Variants in IGFL2 observed in about 807,000 individuals in gnomAD.
The protein encoded by IGFL2 is IGF like family member 2.
In IGFL2, 7 loss-of-function variants were observed where a neutral mutation model predicts 13.9. That is an observed-to-expected ratio of 0.51 (90% CI 0.29 to 0.95). IGFL2 has a LOEUF of 0.95. Among genes scored for constraint, IGFL2 ranks in the 40% least tolerant of loss-of-function variants. The pLI, the probability that IGFL2 is intolerant of heterozygous loss-of-function variation, is 0.08. For missense variants in IGFL2, 138 were observed against 147.8 expected, an observed-to-expected ratio of 0.93 and a Z score of 0.34; for synonymous variants, 55 against 55.8, an observed-to-expected ratio of 0.99 and a Z score of 0.07.
chr19:46,080,397 TAAAAA>T, the IGFL2 span, among the ~76,000 whole-genome samples: 1 of 150,788 alleles, frequency 6.6e-6, no homozygotes, highest in African/African-American at 2.5e-5. Context: ...TTTTTTAAAA[TAAAAA>T]AAAGAATAAA....
chr19:46,113,440 C>A, the IGFL2 span: 1 of 393,168 alleles, frequency 2.5e-6, no homozygotes, highest in South Asian at 1.9e-5. Context: ...CAAATGGAAT[C>A]CACGTAGATA....
intron 1 of IGFL2, among the ~76,000 whole-genome samples, chr19:46,152,855 AGTTT>A (rs1973582008): frequency 6.6e-6 from 1 of 152,152 alleles, no homozygotes; most frequent in South Asian, 2.1e-4. Flanking sequence ...TTCTATTCCT[AGTTT>A]GTTCTTTGTA....
the IGFL2 span, chr19:46,207,872 T>C: frequency 6.6e-6 from 1 of 152,242 alleles, no homozygotes; most frequent in Admixed American, 6.5e-5. Context: ...TGGACTCTCT[T>C]TGCTCTGCCA....
the IGFL2 span, among the ~76,000 whole-genome samples, chr19:46,174,698 TG>T: frequency 3.3e-5 from 5 of 152,168 alleles, no homozygotes; most frequent in Non-Finnish European, 5.9e-5. Flanking sequence ...CTTCTAACCC[TG>T]GGGTTGGGAG....
chr19:46,152,266 GTT>G (rs55934631), intron 1 of IGFL2, among the ~76,000 whole-genome samples: 299 of 134,012 alleles, frequency 2.2e-3, no homozygotes, highest in African/African-American at 6.2e-3. Context: ...GCTTCCTTAG[GTT>G]TTTTTTTTTT....
chr19:46,112,750 A>G, the IGFL2 span, among the ~76,000 whole-genome samples: 1 of 152,366 alleles, frequency 6.6e-6, no homozygotes, highest in African/African-American at 2.4e-5. Flanking sequence ...CCAGTGGCTG[A>G]AAGTGATTTG....
chr19:46,197,484 C>G, the IGFL2 span, among the ~76,000 whole-genome samples: 1 of 152,146 alleles, frequency 6.6e-6, no homozygotes, highest in Non-Finnish European at 1.5e-5. Flanking sequence ...TTGCTGGCCT[C>G]TCCTCCTGGC....
the IGFL2 span, among the ~76,000 whole-genome samples, chr19:46,116,562 A>G: frequency 6.6e-6 from 1 of 152,234 alleles, no homozygotes; most frequent in African/African-American, 2.4e-5. Context: ...AAATTTTTAC[A>G]GATGAGGTTT....
the IGFL2 span, chr19:46,213,824 T>G: frequency 6.5e-6 from 1 of 153,884 alleles, no homozygotes; most frequent in Admixed American, 6.5e-5. Flanking sequence ...TGTTTGTGAC[T>G]CTCCCTGCCT....
At chr19:46,104,316 G>A in the IGFL2 span, among the ~76,000 whole-genome samples, 6 of 152,186 alleles carry the variant, frequency 3.9e-5, no homozygotes, top group East Asian at 1.9e-4. Context: ...TAAGTTGGAG[G>A]CTGAGCTTGG....
chr19:46,091,355 A>G, the IGFL2 span, among the ~76,000 whole-genome samples: 1 of 152,238 alleles, frequency 6.6e-6, no homozygotes, highest in Non-Finnish European at 1.5e-5. Flanking sequence ...ATGAAAGAAT[A>G]TAGGCAAACT....
chr19:46,120,438 C>G, the IGFL2 span: 1 of 1,587,098 alleles, frequency 6.3e-7, no homozygotes, highest in Admixed American at 1.7e-5. Flanking sequence ...GCAATTTTAA[C>G]AAACTTGACT....
At chr19:46,199,569 G>T in the IGFL2 span, among the ~76,000 whole-genome samples, 1 of 152,136 alleles carries the variant, frequency 6.6e-6, no homozygotes, top group African/African-American at 2.4e-5. Context: ...AGCCCCCTGC[G>T]CTGTCATGAT....
chr19:46,123,781 C>T, the IGFL2 span: 24 of 1,301,098 alleles, frequency 1.8e-5, no homozygotes, highest in Middle Eastern at 4.7e-4. Context: ...ACCAGCCTGA[C>T]TCTTTTGCCG....
chr19:46,092,560 C>T, the IGFL2 span, among the ~76,000 whole-genome samples: 1 of 151,904 alleles, frequency 6.6e-6, no homozygotes, highest in Non-Finnish European at 1.5e-5. Flanking sequence ...TGAACCTGAG[C>T]GGCTGAGGCT....
the IGFL2 span, among the ~76,000 whole-genome samples, chr19:46,132,300 C>T: frequency 6.6e-6 from 1 of 152,300 alleles, no homozygotes; most frequent in South Asian, 2.1e-4. Flanking sequence ...TGATCCCTTT[C>T]CATTTCATGG....
chr19:46,083,025 C>T, the IGFL2 span, among the ~76,000 whole-genome samples: 2 of 152,158 alleles, frequency 1.3e-5, no homozygotes, highest in African/African-American at 2.4e-5. Context: ...TGGCAACTGT[C>T]CTATGTGTTT....
At chr19:46,173,591 C>T in the IGFL2 span, 1 of 152,214 alleles carries the variant, frequency 6.6e-6, no homozygotes, top group African/African-American at 2.4e-5. Flanking sequence ...GGAGAGATGT[C>T]AGACTCAAGT....
At chr19:46,137,233 T>C in the IGFL2 span, 1 of 1,474,376 alleles carries the variant, frequency 6.8e-7, no homozygotes, top group South Asian at 1.1e-5. Flanking sequence ...GGCAGGTAAT[T>C]GTGAACTGAT....
Sources: gnomAD v4.1 joint callset for allele counts (sites outside exome capture counted in the v4.1 genomes callset) on GRCh38, gnomAD v4.1.1 for gene constraint, MANE v1.5 for transcripts, NCBI Gene and HGNC (gene_info 2026-07-23, HGNC 2026-07-21) for gene names.